Variants in ANO2 observed in about 807,000 individuals in gnomAD.
ANO2 encodes anoctamin 2, also known as anoctamin-2.
In ANO2, 101 loss-of-function variants were observed where a neutral mutation model predicts 124.2. That is an observed-to-expected ratio of 0.81 (90% confidence interval 0.69 to 0.96). The LOEUF is 0.96. Among genes scored for constraint, ANO2 ranks in the 40% least tolerant of loss-of-function variants. The probability of loss-of-function intolerance (pLI) is 0.00; values close to 1 mark genes in which losing one functional copy is unlikely to be tolerated. For missense variants in ANO2, 1,293 were observed against 1,274.5 expected, an observed-to-expected ratio of 1.01 and a Z score of -0.22; for synonymous variants, 486 against 482.5, an observed-to-expected ratio of 1.01 and a Z score of -0.09.
At chr12:5,717,807 T>G (rs1024076249) in intron 14 of ANO2, among the ~76,000 whole-genome samples, 2 of 152,214 alleles carry the variant, frequency 1.3e-5, no homozygotes, top group Admixed American at 6.5e-5. Context: ...TGGGGAATAT[T>G]ACGGATTAAG....
At chr12:5,610,983 T>TC (rs1202420156) in intron 19 of ANO2, among the ~76,000 whole-genome samples, 1 of 121,658 alleles carries the variant, frequency 8.2e-6, no homozygotes, top group Non-Finnish European at 1.8e-5. Flanking sequence ...TTTTTTTTTT[T>TC]TTTTTTGAGA....
At chr12:5,736,566 C>T (rs1290744381) in intron 13 of ANO2, among the ~76,000 whole-genome samples, 4 of 152,198 alleles carry the variant, frequency 2.6e-5, no homozygotes, top group African/African-American at 9.7e-5. Context: ...GCCCAAGTAA[C>T]ATCTGCCTTC....
At chr12:5,739,604 C>CACACACAA (rs1555153148) in intron 12 of ANO2, among the ~76,000 whole-genome samples, 1 of 150,972 alleles carries the variant, frequency 6.6e-6, no homozygotes, top group Non-Finnish European at 1.5e-5. Flanking sequence ...GTTACACACA[C>CACACACAA]ACACACACAC....
At chr12:5,721,218 T>A (rs1950222800) in intron 14 of ANO2, among the ~76,000 whole-genome samples, 1 of 151,886 alleles carries the variant, frequency 6.6e-6, no homozygotes, top group Non-Finnish European at 1.5e-5. Flanking sequence ...TGCACAAACA[T>A]GCAGAGACGG....
intron 1 of ANO2, among the ~76,000 whole-genome samples, chr12:5,923,966 C>CAGTGAG (rs1228538305): frequency 6.6e-6 from 1 of 152,178 alleles, no homozygotes; most frequent in Non-Finnish European, 1.5e-5. Flanking sequence ...TGCAGGATTG[C>CAGTGAG]AGTGAGAATG....
intron 1 of ANO2, among the ~76,000 whole-genome samples, chr12:5,923,584 C>T (rs949600902): frequency 6.6e-6 from 1 of 152,198 alleles, no homozygotes. Flanking sequence ...AGGGTCCTCA[C>T]GCACCTGCTG....
In ANO2 at chr12:5,629,766, T is replaced by C. The variant is rs140201901; in HGVS notation, c.1816+5386A>G. Among the ~76,000 whole-genome samples the C allele has an allele frequency of 4.5e-3, 680 of 152,208 alleles. 8 individuals carry two copies. The highest frequency in any genetic ancestry group is 0.014 in the African/African-American group (588 of 41,510). ...ATGCTTGCTGACACTGGCAACACACTCTGTACACTGTGTCTTGGCCAGCCA... is the reference window on the plus strand; with the variant it reads ...ATGCTTGCTGACACTGGCAACACACCCTGTACACTGTGTCTTGGCCAGCCA... On this transcript the variant is annotated intron_variant, in intron 16 of 24. Coordinates refer to ENST00000682330, the MANE Select transcript of ANO2 (RefSeq NM_001364791.2).
chr12:5,927,593 C>T (rs769235450), intron 1 of ANO2, among the ~76,000 whole-genome samples: 2 of 152,230 alleles, frequency 1.3e-5, no homozygotes, highest in Non-Finnish European at 2.9e-5. Flanking sequence ...GGGCTTCCAA[C>T]GACCATTTCC....
intron 22 of ANO2, 123 bp from the exon 23 acceptor site, chr12:5,576,138 G>T: frequency 1.0e-6 from 1 of 1,004,292 alleles, no homozygotes; most frequent in South Asian, 2.2e-5. Flanking sequence ...AGCATGATCA[G>T]GTCCCTGAGC....
chr12:5,805,902 T>C, intron 9 of ANO2, 150 bp downstream of exon 9: 2 of 722,126 alleles, frequency 2.8e-6, no homozygotes, highest in Non-Finnish European at 4.4e-6. Context: ...CATTTCCAAA[T>C]ACCTGGGTGG....
chr12:5,936,502 AAAAC>A (rs938636188), intron 1 of ANO2, among the ~76,000 whole-genome samples: 3 of 152,220 alleles, frequency 2.0e-5, no homozygotes, highest in Non-Finnish European at 2.9e-5. Context: ...TAAGGACACA[AAAAC>A]AAAGTGCCAT....
chr12:5,619,527 A>T (rs1259410805), intron 16 of ANO2, among the ~76,000 whole-genome samples: 1 of 152,142 alleles, frequency 6.6e-6, no homozygotes, highest in Non-Finnish European at 1.5e-5. Context: ...TCCTGGATAC[A>T]CAGCTAGATG....
At chr12:5,597,313 T>C (rs1486198827) in intron 20 of ANO2, among the ~76,000 whole-genome samples, 1 of 152,148 alleles carries the variant, frequency 6.6e-6, no homozygotes, top group Non-Finnish European at 1.5e-5. Context: ...TGTGTTCTCA[T>C]GGTTTAGCTC....
intron 3 of ANO2, among the ~76,000 whole-genome samples, chr12:5,883,986 T>C (rs1012218160): frequency 1.3e-5 from 2 of 152,138 alleles, no homozygotes; most frequent in Admixed American, 6.6e-5. Flanking sequence ...GTTTTACAGA[T>C]TGAAAAAACC....
intron 20 of ANO2, among the ~76,000 whole-genome samples, chr12:5,595,377 T>G (rs1591694698): frequency 6.7e-6 from 1 of 150,128 alleles, no homozygotes; most frequent in South Asian, 2.1e-4. Context: ...TTTTTTTTTC[T>G]TTTCTTTTCT....
At chr12:5,568,889 T>C (rs1404935574) in intron 23 of ANO2, among the ~76,000 whole-genome samples, 1 of 152,234 alleles carries the variant, frequency 6.6e-6, no homozygotes, top group Non-Finnish European at 1.5e-5. Flanking sequence ...GCCTGAACTT[T>C]CCATCACAGA....
chr12:5,863,142 C>T (rs56201805), intron 3 of ANO2, among the ~76,000 whole-genome samples: 2,634 of 152,114 alleles, frequency 0.017, 68 homozygotes, highest in African/African-American at 0.056. Context: ...TATAAATTAC[C>T]CAGTCTCTGG....
At position 5,676,592 on chromosome 12, in the gene ANO2, T is replaced by A. The variant is rs548105594; in HGVS notation, c.1546-28791A>T. ...TTGCTTTTTTTCTAAAGAACTTATGTGAGTTTCCATTTTTTTTTCCTGCAG... is the reference window on the plus strand; with the variant it reads ...TTGCTTTTTTTCTAAAGAACTTATGAGAGTTTCCATTTTTTTTTCCTGCAG... On this transcript the variant is annotated intron_variant, in intron 14 of 24. Transcript: ENST00000682330. Among the ~76,000 whole-genome samples, 37 of 152,322 alleles carry A rather than the reference T, an allele frequency of 2.4e-4. 1 individual carries two copies. Among genetic ancestry groups the A allele is most frequent in the South Asian group, 1.0e-3 (5 of 4,826 alleles).
intron 14 of ANO2, among the ~76,000 whole-genome samples, chr12:5,726,030 A>G (rs1950424384): frequency 6.6e-6 from 1 of 152,038 alleles, no homozygotes; most frequent in Admixed American, 6.6e-5. Context: ...TTAGAGCTTT[A>G]CCATCTTGTA....
Sources: allele counts gnomAD v4.1 joint callset (sites outside exome capture counted in the v4.1 genomes callset), GRCh38; gene constraint gnomAD v4.1.1; transcripts MANE v1.5; gene names NCBI Gene and HGNC (gene_info 2026-07-23, HGNC 2026-07-21).